DEPTOR: variants seen among roughly 807,000 people sequenced by gnomAD.
DEPTOR encodes DEP domain containing MTOR interacting protein.
Under a neutral mutation model 41.6 loss-of-function variants are expected in DEPTOR, and 41 were observed. That is an observed-to-expected ratio of 0.98 (90% CI 0.77 to 1.28). The LOEUF (loss-of-function observed/expected upper bound fraction) is 1.28, where lower values mean the gene tolerates loss of function less well. Among genes scored for constraint, DEPTOR ranks in the 50% most tolerant of loss-of-function variants. The probability of loss-of-function intolerance (pLI) is 0.00; values close to 1 mark genes in which losing one functional copy is unlikely to be tolerated. For missense variants in DEPTOR, 514 were observed against 527.9 expected (o/e 0.97, Z 0.26); for synonymous variants, 195 against 192.3 (o/e 1.01, Z -0.12).
At position 119,988,222 on chromosome 8, in the gene DEPTOR, C is replaced by T. The variant is rs569005054; in HGVS notation, c.605-13303C>T. On this transcript the variant is annotated intron_variant, in intron 4 of 8. Coordinates refer to ENST00000286234, the MANE Select transcript of DEPTOR (RefSeq NM_022783.4). ...TGTATCTGGGCTGGAATGCACTGTTCCTCATGGCAGAGTCCCTTAGGGCTT... is the reference window on the plus strand; with the variant it reads ...TGTATCTGGGCTGGAATGCACTGTTTCTCATGGCAGAGTCCCTTAGGGCTT... Among the ~76,000 whole-genome samples, 82 of 152,272 alleles carry T rather than the reference C, an allele frequency of 5.4e-4. No homozygotes were observed. The South Asian group carries it at 0.016, about 30-fold the overall frequency.
intron 4 of DEPTOR, among the ~76,000 whole-genome samples, chr8:119,980,586 C>A (rs139209339): frequency 6.7e-6 from 1 of 149,514 alleles, no homozygotes; most frequent in Non-Finnish European, 1.5e-5. Context: ...GGTACAATCT[C>A]GGCTCACTGC....
At chr8:119,925,489 A>G (rs1469826936) in intron 1 of DEPTOR, among the ~76,000 whole-genome samples, 5 of 152,292 alleles carry the variant, frequency 3.3e-5, no homozygotes, top group East Asian at 1.9e-4. Flanking sequence ...CGCGAACAGT[A>G]TGGGGAAAAC....
rs1318386362 is a variant in DEPTOR, at chr8:119,904,244, G to A, written c.123-24156G>A. On this transcript the variant is annotated intron_variant, in intron 1 of 8. Transcript: ENST00000286234. Reference sequence around the variant, plus strand: ...GCAGTTCTCATGTCTCAGCCGCCCCGAGTAGTTGGAACTACAGGTGCCTGC... The same window carrying A: ...GCAGTTCTCATGTCTCAGCCGCCCCAAGTAGTTGGAACTACAGGTGCCTGC... 2.7e-5 allele frequency among the ~76,000 whole-genome samples: 4 copies of A among 150,694 alleles called. No individual in the cohort carries two copies. The East Asian group carries it at 5.9e-4, about 22-fold the overall frequency.
At chr8:120,039,123 C>G (rs1232471535) in intron 8 of DEPTOR, among the ~76,000 whole-genome samples, 1 of 152,142 alleles carries the variant, frequency 6.6e-6, no homozygotes, top group East Asian at 1.9e-4. Flanking sequence ...ATGATTAGGT[C>G]ACTGGGTCAG....
chr8:119,918,241 A>T (rs117798871), intron 1 of DEPTOR, among the ~76,000 whole-genome samples: 2,198 of 152,150 alleles, frequency 0.014, 21 homozygotes, highest in Middle Eastern at 0.041. Context: ...ACAGGTGTGG[A>T]GGGGCAACCC....
intron 8 of DEPTOR, among the ~76,000 whole-genome samples, chr8:120,033,537 G>A (rs890240852): frequency 2.6e-5 from 4 of 152,128 alleles, no homozygotes; most frequent in Non-Finnish European, 5.9e-5. Flanking sequence ...CCCTTCAAAT[G>A]TGTGATATTA....
Position 120,009,152 on chromosome 8 carries a change from C to T in DEPTOR, c.1101+19C>T, listed in dbSNP as rs1346963484. On this transcript the variant is annotated intron_variant, in intron 8 of 8. Coordinates refer to ENST00000286234, the MANE Select transcript of DEPTOR (RefSeq NM_022783.4). Reference sequence around the variant, plus strand: ...AATGAAGGTACTAACGGGTCTTTCTCACCCTCTTTTATATCTGTCTTGGGT... The same window carrying T: ...AATGAAGGTACTAACGGGTCTTTCTTACCCTCTTTTATATCTGTCTTGGGT... 1 of 1,606,010 alleles carries T rather than the reference C, an allele frequency of 6.2e-7. No individual in the cohort carries two copies. The highest frequency in any genetic ancestry group is 8.5e-7 in the Non-Finnish European group (1 of 1,174,372).
chr8:120,023,795 A>AT lies in DEPTOR; in HGVS notation c.1101+14666dup, dbSNP rs1437211692. 9.9e-5 allele frequency among the ~76,000 whole-genome samples: 9 copies of AT among 90,944 alleles called. No homozygotes were observed. In the South Asian group the frequency reaches 1.1e-3, roughly 11 times the overall value. 59.7% of individuals were successfully genotyped at this position (90,944 alleles called of 152,430 possible). On this transcript the variant is annotated intron_variant, in intron 8 of 8. Coordinates refer to ENST00000286234, the MANE Select transcript of DEPTOR (RefSeq NM_022783.4). ...TGTGTCTCCATGGTTTCAGTCACCT[A>AT]TTTTGTTTTTTTTTTTTTACTTTGC...
rs144052460 is a variant in DEPTOR, at chr8:119,905,825, T to C, written c.123-22575T>C. Reference sequence around the variant, plus strand: ...GCCCAGCTAATTTTTGTATTTTTAATGGAGATGGGGTTTCACCATGTTGGC... The same window carrying C: ...GCCCAGCTAATTTTTGTATTTTTAACGGAGATGGGGTTTCACCATGTTGGC... On this transcript the variant is annotated intron_variant, in intron 1 of 8. Transcript: ENST00000286234. 5.9e-3 allele frequency among the ~76,000 whole-genome samples: 897 copies of C among 152,258 alleles called. 8 individuals carry two copies. Among genetic ancestry groups the C allele is most frequent in the South Asian group, 0.032 (153 of 4,822 alleles).
chr8:119,875,999 C>T (rs563915873), intron 1 of DEPTOR, among the ~76,000 whole-genome samples: 6 of 152,328 alleles, frequency 3.9e-5, no homozygotes, highest in Admixed American at 2.6e-4. Context: ...TTTAATTTCT[C>T]TGCTCTTCAT....
chr8:119,904,915 C>T (rs1827642105), intron 1 of DEPTOR, among the ~76,000 whole-genome samples: 3 of 151,672 alleles, frequency 2.0e-5, no homozygotes, highest in Admixed American at 1.3e-4. Flanking sequence ...CCTCAGCCAC[C>T]CAAGTAGCTA....
In DEPTOR at chr8:119,928,478, A is replaced by C; in HGVS notation, c.201A>C (p.Lys67Asn). The change falls in exon 2 of 9, where the codon AAA (lysine) becomes AAC (asparagine). Residue 67 changes from lysine to asparagine, a missense_variant. Coordinates refer to ENST00000286234, the MANE Select transcript of DEPTOR (RefSeq NM_022783.4). ...CCTACCCAAACTGTTTTGTCGCAAA[A>C]GAACTGATTGACTGGCTGATTGAAC... ...LKTYPNCFVA[K>N]ELIDWLIEHK... 1 of 1,614,234 alleles carries C rather than the reference A, an allele frequency of 6.2e-7. No homozygotes were observed. The highest frequency in any genetic ancestry group is 8.5e-7 in the Non-Finnish European group (1 of 1,180,034).
chr8:119,929,047 T>C (rs566863696), intron 2 of DEPTOR, among the ~76,000 whole-genome samples: 3 of 152,382 alleles, frequency 2.0e-5, no homozygotes, highest in East Asian at 3.8e-4. Flanking sequence ...TCCACATTGA[T>C]AGTATATGTC....
intron 8 of DEPTOR, among the ~76,000 whole-genome samples, chr8:120,033,679 T>C (rs993312643): frequency 1.3e-5 from 2 of 152,238 alleles, no homozygotes; most frequent in African/African-American, 4.8e-5. Flanking sequence ...TAGATTTCTC[T>C]GACTGGTGTG....
intron 1 of DEPTOR, among the ~76,000 whole-genome samples, chr8:119,909,270 G>A (rs1827706528): frequency 6.6e-6 from 1 of 152,172 alleles, no homozygotes; most frequent in African/African-American, 2.4e-5. Context: ...TTCTTGCCAA[G>A]TGCCACCCCA....
intron 3 of DEPTOR, among the ~76,000 whole-genome samples, chr8:119,940,428 A>G (rs767865929): frequency 2.0e-5 from 3 of 152,102 alleles, no homozygotes; most frequent in Non-Finnish European, 4.4e-5. Context: ...AGCCACATAT[A>G]ATGGAATATT....
intron 3 of DEPTOR, among the ~76,000 whole-genome samples, chr8:119,931,850 T>A (rs560414891): frequency 1.9e-4 from 29 of 152,140 alleles, no homozygotes; most frequent in Non-Finnish European, 4.3e-4. Flanking sequence ...ATTACAATGA[T>A]GTTCCTTTCA....
chr8:119,969,734 C>G (rs908156747), intron 4 of DEPTOR: 9 of 152,124 alleles, frequency 5.9e-5, no homozygotes, highest in Admixed American at 5.9e-4. Flanking sequence ...ACTGGGGTTT[C>G]TGAGGGAGTT....
At chr8:119,917,326 C>T (rs1827826415) in intron 1 of DEPTOR, among the ~76,000 whole-genome samples, 1 of 152,166 alleles carries the variant, frequency 6.6e-6, no homozygotes, top group African/African-American at 2.4e-5. Flanking sequence ...AACATGCTTC[C>T]TTCCTTGTGG....
Sources: gnomAD v4.1 joint callset for allele counts (sites outside exome capture counted in the v4.1 genomes callset) on GRCh38, gnomAD v4.1.1 for gene constraint, MANE v1.5 for transcripts, NCBI Gene and HGNC (gene_info 2026-07-23, HGNC 2026-07-21) for gene names.